The following KMT2E variants were observed in gnomAD, a reference collection of about 807,000 sequenced individuals.
KMT2E encodes the protein lysine methyltransferase 2E (inactive), also known as histone reader KMT2E.
KMT2E carries 30 observed loss-of-function variants against 184.6 expected under a neutral mutation model. The ratio of observed to expected loss-of-function variants is 0.16; its 90% CI spans 0.12 to 0.22. The LOEUF (loss-of-function observed/expected upper bound fraction) is 0.22, where lower values mean the gene tolerates loss of function less well. Ranked by LOEUF, KMT2E falls within the 10% of genes least tolerant of loss-of-function variation. The probability of loss-of-function intolerance (pLI) is 1.00; values close to 1 mark genes in which losing one functional copy is unlikely to be tolerated. For synonymous variants in KMT2E, 815 were observed against 776.5 expected (o/e 1.05, Z -0.82); for missense variants, 2,023 against 2,237.4 (o/e 0.90, Z 1.93).
rs182207347 is a variant in KMT2E at position 105,032,811 on chromosome 7, T to C, written c.-188-5315T>C. Among the ~76,000 whole-genome samples, 138 of 152,360 alleles carry C rather than the reference T, an allele frequency of 9.1e-4. 2 individuals are homozygous for C. Among genetic ancestry groups the C allele is most frequent in the Middle Eastern group, 6.8e-3 (2 of 294 alleles). On this transcript the variant is annotated intron_variant, in intron 1 of 26. Transcript: ENST00000311117. Reference sequence around the variant, plus strand: ...GAGCCACCATGTCCATCATAGGATTTTGTTGTTGTTTGATTATTAATTACA... The same window carrying C: ...GAGCCACCATGTCCATCATAGGATTCTGTTGTTGTTTGATTATTAATTACA...
intron 6 of KMT2E, among the ~76,000 whole-genome samples, chr7:105,070,754 A>C (rs1017088642): frequency 6.6e-5 from 10 of 151,598 alleles, no homozygotes; most frequent in African/African-American, 2.4e-4. Flanking sequence ...TTGAGGCTGC[A>C]GTGAGTTATG....
intron 3 of KMT2E, among the ~76,000 whole-genome samples, chr7:105,051,846 C>G (rs770756523): frequency 6.6e-6 from 1 of 152,150 alleles, no homozygotes; most frequent in Non-Finnish European, 1.5e-5. Context: ...CTCCTGACTT[C>G]ACAAAGTGCT....
chr7:105,077,361 C>A lies in KMT2E; in HGVS notation c.1058C>A (p.Ala353Glu). The change falls in exon 11 of 27, where the codon GCA becomes GAA. Residue 353 changes from alanine to glutamate, a missense_variant. Ala to Glu is a moderately radical substitution (Grantham distance 107). This residue lies in a region of KMT2E where 68 missense variants were observed against 133.1 expected (regional missense o/e 0.51). Coordinates refer to ENST00000311117, the MANE Select transcript of KMT2E (RefSeq NM_182931.3). Reference sequence around the variant, plus strand: ...TCTGCAAAAGATTTGCCTCCTGATGCACTTATCATTGAATACAGAGGGAAG... The same window carrying A: ...TCTGCAAAAGATTTGCCTCCTGATGAACTTATCATTGAATACAGAGGGAAG... ...LKSAKDLPPD[A>E]LIIEYRGKFM... The A allele has an allele frequency of 1.2e-6, 2 of 1,609,518 alleles. No homozygotes were observed. Among genetic ancestry groups the A allele is most frequent in the African/African-American group, 1.3e-5 (1 of 74,914 alleles).
chr7:105,071,580 G>GTATGTA (rs1438005247), intron 6 of KMT2E, among the ~76,000 whole-genome samples: 1 of 64,968 alleles, frequency 1.5e-5, no homozygotes, highest in African/African-American at 7.2e-5. Context: ...GTATGTGTGT[G>GTATGTA]TGTATATATA....
intron 18 of KMT2E, 29 bp downstream of exon 18, chr7:105,105,722 A>G (rs746528755): frequency 6.3e-6 from 10 of 1,584,540 alleles, no homozygotes; most frequent in Non-Finnish European, 8.6e-6. Context: ...GTAAAAATGT[A>G]GAATGAGCCA....
chr7:105,017,676 T>G (rs1014911155), intron 1 of KMT2E, among the ~76,000 whole-genome samples: 3 of 152,174 alleles, frequency 2.0e-5, no homozygotes. Context: ...ACTAGTCAAA[T>G]GGTCTTTGTT....
At chr7:105,060,992 T>C (rs973694590) in intron 3 of KMT2E, among the ~76,000 whole-genome samples, 2 of 152,190 alleles carry the variant, frequency 1.3e-5, no homozygotes, top group Non-Finnish European at 2.9e-5. Flanking sequence ...GTATCTCCAA[T>C]GTTAAGCAAA....
At chr7:105,070,119 T>C (rs1247653526) in intron 6 of KMT2E, among the ~76,000 whole-genome samples, 1 of 152,184 alleles carries the variant, frequency 6.6e-6, no homozygotes, top group African/African-American at 2.4e-5. Flanking sequence ...TTTTTGGCTA[T>C]TACAAATAAA....
chr7:105,027,041 A>T (rs147844983), intron 1 of KMT2E, among the ~76,000 whole-genome samples: 1 of 145,948 alleles, frequency 6.9e-6, no homozygotes, highest in African/African-American at 2.5e-5. Flanking sequence ...TTTCATTTAT[A>T]TATAAAATCC....
intron 1 of KMT2E, among the ~76,000 whole-genome samples, chr7:105,021,288 A>C (rs1003287431): frequency 1.3e-5 from 2 of 152,248 alleles, no homozygotes; most frequent in African/African-American, 2.4e-5. Context: ...CAGGCTTATT[A>C]CATCTTACAT....
chr7:105,029,170 G>C (rs1032507342), intron 1 of KMT2E, among the ~76,000 whole-genome samples: 3 of 152,050 alleles, frequency 2.0e-5, no homozygotes, highest in Admixed American at 2.0e-4. Flanking sequence ...GGCTGAGTCA[G>C]AGGAATTGCT....
At chr7:105,065,360 T>G (rs975075470) in intron 5 of KMT2E, among the ~76,000 whole-genome samples, 1 of 152,224 alleles carries the variant, frequency 6.6e-6, no homozygotes, top group Non-Finnish European at 1.5e-5. Flanking sequence ...TTGTGCTACT[T>G]TTCTTTTTCA....
At chr7:105,078,559 C>T (rs1797624898) in intron 11 of KMT2E, among the ~76,000 whole-genome samples, 1 of 150,248 alleles carries the variant, frequency 6.7e-6, no homozygotes, top group African/African-American at 2.4e-5. Context: ...GAGGCATGAT[C>T]ATGGCTCACT....
intron 1 of KMT2E, among the ~76,000 whole-genome samples, chr7:105,020,552 T>G (rs1470612399): frequency 6.6e-6 from 1 of 152,212 alleles, no homozygotes; most frequent in East Asian, 1.9e-4. Context: ...GCCAGTGCAC[T>G]TCAGCCTGGG....
In KMT2E at chr7:105,114,552, T is replaced by C. The variant is rs1799521309; in HGVS notation, c.*1219T>C. Among the ~76,000 whole-genome samples, 1 of 152,160 alleles carries C rather than the reference T, an allele frequency of 6.6e-6. No homozygotes were observed. The highest frequency in any genetic ancestry group is 6.5e-5 in the Admixed American group (1 of 15,278). ...TTATTAATTATTAATCTTCAAAAAA[T>C]TAAAAATTTCCCAGCCTTTGTCTTC... On this transcript the variant is annotated 3_prime_UTR_variant, in exon 27 of 27. Coordinates refer to ENST00000311117, the MANE Select transcript of KMT2E (RefSeq NM_182931.3).
chr7:105,089,649 A>G (rs551814199), intron 13 of KMT2E, among the ~76,000 whole-genome samples: 1 of 152,304 alleles, frequency 6.6e-6, no homozygotes, highest in East Asian at 1.9e-4. Context: ...ACATGAGTGA[A>G]TTTTGTGTTT....
chr7:105,028,454 A>G (rs1393729921), intron 1 of KMT2E, among the ~76,000 whole-genome samples: 4 of 151,972 alleles, frequency 2.6e-5, no homozygotes, highest in Non-Finnish European at 4.4e-5. Context: ...GGCATGAGCC[A>G]TCAGCCCAGT....
rs1286779331 is a variant in KMT2E at position 105,107,845 on chromosome 7, G to T, written c.3388G>T (p.Val1130Leu). ...GTTTTGTACTTCCGAAGATGGGCTTGTATCTGGTTTCGGACGGACTGTTAA... is the reference window on the plus strand; with the variant it reads ...GTTTTGTACTTCCGAAGATGGGCTTTTATCTGGTTTCGGACGGACTGTTAA... ...TVFCTSEDGL[V>L]SGFGRTVNDN... Residue 1130 changes from valine to leucine, a missense_variant, in exon 22 of 27, where the codon GTA (valine) becomes TTA (leucine). This residue lies in a region of KMT2E where 1,108 missense variants were observed against 1,050.9 expected (regional missense o/e 1.05). Transcript: ENST00000311117. 1 of 1,614,134 alleles carries T rather than the reference G, an allele frequency of 6.2e-7. No individual in the cohort carries two copies. The highest frequency in any genetic ancestry group is 8.5e-7 in the Non-Finnish European group (1 of 1,180,006).
chr7:105,075,272 G>C (rs750601757), intron 8 of KMT2E, among the ~76,000 whole-genome samples: 2 of 150,312 alleles, frequency 1.3e-5, no homozygotes, highest in South Asian at 4.2e-4. Flanking sequence ...ATTGCTAGCT[G>C]TAGGTTTGTA....
Sources: gnomAD v4.1 joint callset for allele counts (sites outside exome capture counted in the v4.1 genomes callset) on GRCh38, gnomAD v4.1.1 for gene constraint, gnomAD v4.1.1 regional missense constraint, MANE v1.5 for transcripts, NCBI Gene and HGNC (gene_info 2026-07-23, HGNC 2026-07-21) for gene names.